CDYL: variants seen among roughly 807,000 people sequenced by gnomAD.
The protein encoded by CDYL is chromodomain Y-like protein.
A neutral mutation model predicts 47.3 loss-of-function variants in CDYL; 8 were observed. That is an observed-to-expected ratio of 0.17 (90% CI 0.10 to 0.31). The LOEUF is 0.31. Ranked by LOEUF, CDYL falls within the 10% of genes least tolerant of loss-of-function variation. The probability of loss-of-function intolerance (pLI) is 1.00; values close to 1 mark genes in which losing one functional copy is unlikely to be tolerated. For missense variants in CDYL, 471 were observed against 701.4 expected, an observed-to-expected ratio of 0.67 and a Z score of 3.71; for synonymous variants, 266 against 265.0, an observed-to-expected ratio of 1.00 and a Z score of -0.04.
intron 1 of CDYL, among the ~76,000 whole-genome samples, chr6:4,843,674 G>A (rs371144344): frequency 1.2e-3 from 176 of 151,798 alleles, no homozygotes; most frequent in East Asian, 8.9e-3. Context: ...TCCATAAGTC[G>A]TGATTATTTT....
At chr6:4,913,692 G>T (rs1252184882) in intron 2 of CDYL, among the ~76,000 whole-genome samples, 1 of 152,182 alleles carries the variant, frequency 6.6e-6, no homozygotes, top group Non-Finnish European at 1.5e-5. Context: ...CTAGTCTAGG[G>T]ATCAGCACGC....
chr6:4,942,904 C>T (rs1300752462), intron 4 of CDYL, among the ~76,000 whole-genome samples: 2 of 152,234 alleles, frequency 1.3e-5, no homozygotes, highest in Non-Finnish European at 2.9e-5. Context: ...GCTGTTTGCT[C>T]TTCTTGTTTG....
At chr6:4,716,075 C>T (rs1582272309) in intron 2 of CDYL, among the ~76,000 whole-genome samples, 1 of 148,682 alleles carries the variant, frequency 6.7e-6, no homozygotes, top group Admixed American at 6.8e-5. Flanking sequence ...GGTGAAACCC[C>T]GTCTCTACTA....
At chr6:4,834,073 A>C (rs1301933908) in intron 1 of CDYL, among the ~76,000 whole-genome samples, 3 of 150,454 alleles carry the variant, frequency 2.0e-5, no homozygotes, top group African/African-American at 7.3e-5. Flanking sequence ...GTCCATTTAC[A>C]TTTAAAGTTA....
At chr6:4,748,809 T>C (rs773521594) in intron 3 of CDYL, among the ~76,000 whole-genome samples, 12 of 152,218 alleles carry the variant, frequency 7.9e-5, no homozygotes, top group Non-Finnish European at 1.6e-4. Context: ...CTTATAATTA[T>C]TCATCTCTAA....
intron 2 of CDYL, among the ~76,000 whole-genome samples, chr6:4,907,923 TAGAC>T (rs1182390026): frequency 2.6e-5 from 4 of 152,090 alleles, no homozygotes; most frequent in Admixed American, 6.5e-5. Context: ...ACGTCTCTGT[TAGAC>T]AGAACCATCA....
intron 2 of CDYL, among the ~76,000 whole-genome samples, chr6:4,932,357 AG>A (rs1177229794): frequency 6.6e-6 from 1 of 152,202 alleles, no homozygotes; most frequent in Admixed American, 6.5e-5. Context: ...CAGAAGAGCC[AG>A]GGGGTGTCGG....
At chr6:4,885,566 A>T (rs751608072) in intron 1 of CDYL, among the ~76,000 whole-genome samples, 3 of 152,174 alleles carry the variant, frequency 2.0e-5, no homozygotes, top group Non-Finnish European at 4.4e-5. Context: ...TGTTTCTCTG[A>T]TGAGGACTCT....
intron 1 of CDYL, among the ~76,000 whole-genome samples, chr6:4,810,506 T>A (rs925297495): frequency 6.6e-6 from 1 of 152,222 alleles, no homozygotes; most frequent in Non-Finnish European, 1.5e-5. Flanking sequence ...CCTCCAATTT[T>A]AATATATTTC....
intron 3 of CDYL, among the ~76,000 whole-genome samples, chr6:4,770,341 C>CTGGA (rs1758320489): frequency 6.6e-6 from 1 of 152,076 alleles, no homozygotes; most frequent in Non-Finnish European, 1.5e-5. Flanking sequence ...GTTTAGCTTC[C>CTGGA]CCACTTACTA....
At chr6:4,757,150 A>G (rs1758087911) in intron 3 of CDYL, among the ~76,000 whole-genome samples, 2 of 152,344 alleles carry the variant, frequency 1.3e-5, no homozygotes, top group African/African-American at 4.8e-5. Flanking sequence ...TAGAAATATA[A>G]CTTTAGTGTT....
chr6:4,865,467 C>T (rs1761295582), intron 1 of CDYL, among the ~76,000 whole-genome samples: 1 of 152,198 alleles, frequency 6.6e-6, no homozygotes, highest in South Asian at 2.1e-4. Flanking sequence ...GTGAGTCACA[C>T]CCTTCTATAG....
intron 1 of CDYL, among the ~76,000 whole-genome samples, chr6:4,799,097 A>G (rs1377034680): frequency 6.6e-6 from 1 of 152,202 alleles, no homozygotes; most frequent in Non-Finnish European, 1.5e-5. Flanking sequence ...GCTTCAGTCT[A>G]TCAAAATTTG....
chr6:4,717,646 A>G (rs766419054), intron 2 of CDYL, among the ~76,000 whole-genome samples: 6 of 138,810 alleles, frequency 4.3e-5, no homozygotes, highest in Non-Finnish European at 9.1e-5. Flanking sequence ...TTGCGGCTAC[A>G]GTGAGCTATG....
chr6:4,776,112 C>G (rs1382500312), upstream of CDYL, among the ~76,000 whole-genome samples: 3 of 150,184 alleles, frequency 2.0e-5, no homozygotes, highest in South Asian at 2.1e-4. Flanking sequence ...CGGGCCAGGC[C>G]GACCCCGCAA....
chr6:4,804,466 G>C (rs1759312516), intron 1 of CDYL, among the ~76,000 whole-genome samples: 1 of 152,192 alleles, frequency 6.6e-6, no homozygotes. Context: ...AAAGACCTTT[G>C]TCTTACGACC....
At chr6:4,873,272 C>T (rs1414653538) in intron 1 of CDYL, among the ~76,000 whole-genome samples, 1 of 151,978 alleles carries the variant, frequency 6.6e-6, no homozygotes, top group Non-Finnish European at 1.5e-5. Context: ...AGTGGCTTAA[C>T]CTCTTAAATA....
chr6:4,797,830 A>C (rs912870356), intron 1 of CDYL, among the ~76,000 whole-genome samples: 5 of 152,116 alleles, frequency 3.3e-5, no homozygotes, highest in African/African-American at 1.2e-4. Flanking sequence ...TCCATTCGTC[A>C]CTTGGTGGGA....
At chr6:4,894,524 C>T (rs1762139471) in intron 2 of CDYL, among the ~76,000 whole-genome samples, 1 of 152,162 alleles carries the variant, frequency 6.6e-6, no homozygotes, top group African/African-American at 2.4e-5. Context: ...TCTGTGTTCA[C>T]ACATAAAGTT....
Sources: gnomAD v4.1 joint callset for allele counts (sites outside exome capture counted in the v4.1 genomes callset) on GRCh38, gnomAD v4.1.1 for gene constraint, MANE v1.5 for transcripts, NCBI Gene and HGNC (gene_info 2026-07-23, HGNC 2026-07-21) for gene names.